Variants in TFAP2A observed in about 807,000 individuals in gnomAD.
The protein encoded by TFAP2A is transcription factor AP-2-alpha.
In TFAP2A, 7 loss-of-function variants were observed where a neutral mutation model predicts 41.5. That is an observed-to-expected ratio of 0.17 (90% CI 0.10 to 0.32). The LOEUF is 0.32. Among genes scored for constraint, TFAP2A ranks in the 10% least tolerant of loss-of-function variants. The pLI is 1.00. For missense variants in TFAP2A, 416 were observed against 563.3 expected (o/e 0.74, Z 2.65); for synonymous variants, 247 against 242.8 (o/e 1.02, Z -0.16).
chr6:10,414,444 A>C (rs1758153983), intron 1 of TFAP2A: 1 of 264,034 alleles, frequency 3.8e-6, no homozygotes, highest in South Asian at 4.0e-5. Flanking sequence ...CCGCTTTAGA[A>C]GTGGGGGTGG....
intron 1 of TFAP2A, chr6:10,411,663 C>T: frequency 1.2e-6 from 2 of 1,610,434 alleles, no homozygotes; most frequent in East Asian, 2.2e-5. Context: ...GCCCGGCTGC[C>T]CCGCCGCCCG....
intron 3 of TFAP2A, chr6:10,405,019 T>C (rs1383170874): frequency 1.9e-6 from 1 of 527,006 alleles, no homozygotes; most frequent in South Asian, 2.2e-5. Flanking sequence ...TCAAGGGTGC[T>C]CTCTAGAGAT....
chr6:10,413,633 C>A (rs112549863), intron 1 of TFAP2A, among the ~76,000 whole-genome samples: 4 of 152,236 alleles, frequency 2.6e-5, no homozygotes, highest in African/African-American at 9.6e-5. Context: ...CGACAGGACC[C>A]CCCCAGGGAA....
intron 1 of TFAP2A, 102 bp downstream of exon 1, chr6:10,414,839 C>A: frequency 6.6e-7 from 1 of 1,516,168 alleles, no homozygotes; most frequent in African/African-American, 1.4e-5. Flanking sequence ...AAAGTTTGTC[C>A]CACCCGCGTT....
At chr6:10,416,175 A>T (rs913430660), upstream of TFAP2A, 4 of 152,196 alleles carry the variant, frequency 2.6e-5, no homozygotes, top group African/African-American at 9.7e-5. Flanking sequence ...ACCGACTTTT[A>T]GCTGTGTTAA....
chr6:10,407,493 T>C (rs1322478796), intron 2 of TFAP2A: 1 of 150,806 alleles, frequency 6.6e-6, no homozygotes, highest in Admixed American at 6.6e-5. Flanking sequence ...GTTTTTCTTT[T>C]TCTTTTCTTT....
chr6:10,414,748 A>G, intron 1 of TFAP2A, 193 bp downstream of exon 1: 1 of 765,636 alleles, frequency 1.3e-6, no homozygotes. Context: ...GAAACCAAAG[A>G]AGGGAGCATC....
chr6:10,404,831 T>A (rs530556555), intron 3 of TFAP2A, 92 bp from the exon 4 acceptor site: 234 of 1,194,986 alleles, frequency 2.0e-4, no homozygotes, highest in Middle Eastern at 1.1e-3. Flanking sequence ...CAGGGCCGGA[T>A]CCCAGGCTTT....
chr6:10,419,037 A>G (rs548014973), upstream of TFAP2A, among the ~76,000 whole-genome samples: 1 of 152,140 alleles, frequency 6.6e-6, no homozygotes, highest in Non-Finnish European at 1.5e-5. Flanking sequence ...GCCGCGCACC[A>G]CAACCCCAGG....
At chr6:10,404,230 A>G (rs946341091) in intron 4 of TFAP2A, among the ~76,000 whole-genome samples, 2 of 152,300 alleles carry the variant, frequency 1.3e-5, no homozygotes, top group Admixed American at 6.5e-5. Context: ...AGGAGGGCGG[A>G]GCGGAGGACT....
intron 3 of TFAP2A, chr6:10,404,947 G>T: frequency 1.7e-6 from 1 of 600,916 alleles, no homozygotes; most frequent in Non-Finnish European, 3.0e-6. Context: ...GCCGGGAGGC[G>T]GCCCTGCCCT....
intron 4 of TFAP2A, 125 bp downstream of exon 4, chr6:10,404,383 T>C (rs1340911785): frequency 1.4e-5 from 4 of 284,630 alleles, no homozygotes; most frequent in South Asian, 9.0e-5. Flanking sequence ...CCCCGCCCCC[T>C]TTCCTTTCCC....
At chr6:10,414,626 C>T in intron 1 of TFAP2A, 2 of 538,338 alleles carry the variant, frequency 3.7e-6, no homozygotes, top group South Asian at 2.0e-5. Flanking sequence ...AGGCAAGTGC[C>T]CAGTTGCCAG....
chr6:10,403,130 G>A (rs1757492692), intron 4 of TFAP2A, among the ~76,000 whole-genome samples: 1 of 152,244 alleles, frequency 6.6e-6, no homozygotes, highest in South Asian at 2.1e-4. Context: ...AGCCTAACTG[G>A]AAATGTCAAA....
intron 1 of TFAP2A, chr6:10,412,384 G>T: frequency 1.4e-6 from 1 of 720,726 alleles, no homozygotes; most frequent in Non-Finnish European, 1.7e-6. Flanking sequence ...GTGTGAGAAA[G>T]AAAGTGTGGG....
Position 10,398,278 on chromosome 6 carries a change from A to AGCG in TFAP2A, c.*136_*138dup, listed in dbSNP as rs952111195. 4.6e-4 allele frequency: 728 copies of AGCG among 1,568,500 alleles called. No homozygotes were observed. Among genetic ancestry groups the AGCG allele is most frequent in the African/African-American group, 8.1e-4 (60 of 74,088 alleles). On this transcript the variant is annotated 3_prime_UTR_variant, in exon 7 of 7. Coordinates refer to ENST00000379613, the MANE Select transcript of TFAP2A (RefSeq NM_001372066.1). This position sits in a 1 kb window ranked among gnomAD's most constrained non-coding sequence, Gnocchi z 5.3. ...CGGAGACTCGGGGGGACCCAAGGGCAGCGGCGGCGGCGGCGGCGGCAGCAG... is the reference window on the plus strand; with the variant it reads ...CGGAGACTCGGGGGGACCCAAGGGCAGCGGCGGCGGCGGCGGCGGCGGCAGCAG...
intron 5 of TFAP2A, 68 bp from the exon 6 acceptor site, chr6:10,400,657 A>G (rs1761974498): frequency 1.0e-5 from 16 of 1,546,196 alleles, no homozygotes; most frequent in Non-Finnish European, 1.2e-5. Context: ...CTTCCTCCCC[A>G]CTCCCAACTC....
At chr6:10,419,418 C>T, upstream of TFAP2A, 1 of 1,614,142 alleles carries the variant, frequency 6.2e-7, no homozygotes, top group Non-Finnish European at 8.5e-7. Flanking sequence ...CCCCCCGTAC[C>T]TGCCAGTCCC....
rs755569103 is a variant in TFAP2A, at chr6:10,404,597, C to T, written c.681G>A (p.Ser227=). The change falls in exon 4 of 7, where the codon TCG becomes TCA. Residue 227 remains serine (S), a synonymous_variant. Transcript: ENST00000379613. ...PGRLSLLSST[S]KYKVTVAEVQ... is the part of the protein sequence containing the mutation. ...CTTCCGCCACCGTGACCTTGTACTT[C>T]GAGGTGGAGCTGAGGAGCGAGAGGC... 5.4e-5 allele frequency: 87 copies of T among 1,614,054 alleles called. No homozygotes were observed. Among genetic ancestry groups the T allele is most frequent in the Non-Finnish European group, 6.6e-5 (78 of 1,180,016 alleles).
Sources: gnomAD v4.1 joint callset for allele counts (sites outside exome capture counted in the v4.1 genomes callset) on GRCh38, gnomAD v4.1.1 for gene constraint, Gnocchi (gnomAD v3.1) non-coding constraint, MANE v1.5 for transcripts, NCBI Gene and HGNC (gene_info 2026-07-23, HGNC 2026-07-21) for gene names.